ZMIZ1: variants seen among roughly 807,000 people sequenced by gnomAD.
The protein encoded by ZMIZ1 is zinc finger MIZ domain-containing protein 1.
Under a neutral mutation model 113.9 loss-of-function variants are expected in ZMIZ1, and 17 were observed. The ratio of observed to expected loss-of-function variants is 0.15; its 90% confidence interval spans 0.10 to 0.22. The LOEUF (loss-of-function observed/expected upper bound fraction) is 0.22, where lower values mean the gene tolerates loss of function less well. Ranked by LOEUF, ZMIZ1 falls within the 10% of genes least tolerant of loss-of-function variation. ZMIZ1 has a pLI of 1.00. For synonymous variants in ZMIZ1, 607 were observed against 603.1 expected (o/e 1.01, Z -0.09); for missense variants, 1,059 against 1,477.8 (o/e 0.72, Z 4.65).
chr10:79,096,663 G>A (rs1387325287), intron 1 of ZMIZ1, among the ~76,000 whole-genome samples: 3 of 152,178 alleles, frequency 2.0e-5, no homozygotes, highest in African/African-American at 7.2e-5. Context: ...GATAGAGACT[G>A]GCTCCTTCAG....
chr10:79,230,334 C>T (rs1849345966), intron 7 of ZMIZ1, among the ~76,000 whole-genome samples: 1 of 152,276 alleles, frequency 6.6e-6, no homozygotes, highest in East Asian at 1.9e-4. Context: ...TCTAGGTGGC[C>T]GGCTATCTGC....
intron 2 of ZMIZ1, among the ~76,000 whole-genome samples, chr10:79,133,148 C>T (rs1844846533): frequency 6.6e-6 from 1 of 152,236 alleles, no homozygotes; most frequent in Admixed American, 6.5e-5. Context: ...CTAGTACACT[C>T]TTTTCCTGCA....
At chr10:79,077,483 G>T (rs1455589383) in intron 1 of ZMIZ1, among the ~76,000 whole-genome samples, 2 of 151,720 alleles carry the variant, frequency 1.3e-5, no homozygotes, top group African/African-American at 4.9e-5. Flanking sequence ...GGGGTTCTGT[G>T]GTCTGGGTGG....
rs566077309 is a variant in ZMIZ1 at position 79,070,808 on chromosome 10, G to A, written c.-337+1538G>A. On this transcript the variant is annotated intron_variant, in intron 1 of 24. Transcript: ENST00000334512. ...AGCTTCCTGGGTAGGCAGTGCCCGA[G>A]TAACTGGGGCTTTGAGCCTGCCCGC... Among the ~76,000 whole-genome samples, 9 of 152,184 alleles carry A rather than the reference G, an allele frequency of 5.9e-5. No homozygotes were observed. The South Asian group carries it at 1.4e-3, about 25-fold the overall frequency.
intron 1 of ZMIZ1, among the ~76,000 whole-genome samples, chr10:79,074,497 CT>C (rs1300066525): frequency 1.3e-5 from 2 of 152,248 alleles, no homozygotes; most frequent in East Asian, 3.8e-4. Context: ...GACACAAATC[CT>C]GCCTTGACTG....
chr10:79,247,639 G>A (rs567149522), intron 7 of ZMIZ1, among the ~76,000 whole-genome samples: 1 of 152,322 alleles, frequency 6.6e-6, no homozygotes, highest in South Asian at 2.1e-4. Context: ...GTAGGGTGAG[G>A]CCAGGCCTTA....
At chr10:79,109,700 A>C (rs1387285982) in intron 1 of ZMIZ1, among the ~76,000 whole-genome samples, 1 of 152,230 alleles carries the variant, frequency 6.6e-6, no homozygotes, top group African/African-American at 2.4e-5. Context: ...AGCCCAGTCA[A>C]GAGTCAGGCA....
At chr10:79,145,009 A>G (rs1180081426) in intron 3 of ZMIZ1, among the ~76,000 whole-genome samples, 2 of 128,542 alleles carry the variant, frequency 1.6e-5, no homozygotes, top group Admixed American at 7.6e-5. Context: ...CCTGCCCTCC[A>G]CCTTCCTTCT....
At chr10:79,162,520 G>C (rs199753193) in intron 4 of ZMIZ1, among the ~76,000 whole-genome samples, 1 of 152,212 alleles carries the variant, frequency 6.6e-6, no homozygotes, top group Non-Finnish European at 1.5e-5. Context: ...TGAAATGGGT[G>C]CAGGGCTACC....
intron 4 of ZMIZ1, among the ~76,000 whole-genome samples, chr10:79,166,572 G>C (rs1202140867): frequency 3.9e-5 from 6 of 152,252 alleles, no homozygotes; most frequent in Non-Finnish European, 1.5e-5. Context: ...CTGGCCACCA[G>C]CTGGAGCAGG....
intron 4 of ZMIZ1, among the ~76,000 whole-genome samples, chr10:79,180,808 G>A (rs703986): frequency 6.6e-6 from 1 of 152,072 alleles, no homozygotes; most frequent in Non-Finnish European, 1.5e-5. Context: ...AGTGCTGACC[G>A]CAACTCCATT....
Position 79,312,645 on chromosome 10 carries a change from C to T in ZMIZ1, c.3100C>T (p.Leu1034Phe), listed in dbSNP as rs544034036. Residue 1034 changes from leucine (L) to phenylalanine (F), a missense_variant, in exon 25 of 25, where the codon CTT (leucine) becomes TTT (phenylalanine). Transcript: ENST00000334512. ...TTCATTACTCCTTCTTTTCCAGCTC[C>T]TTCCCGAACTCACAAATCCTGACGA... ...SDMPEPSLDL[L>F]PELTNPDELL... 6.2e-7 allele frequency: 1 copy of T among 1,614,230 alleles called. No individual in the cohort carries two copies. The highest frequency in any genetic ancestry group is 2.2e-5 in the East Asian group (1 of 44,884).
At chr10:79,085,372 C>T (rs1453668908) in intron 1 of ZMIZ1, among the ~76,000 whole-genome samples, 1 of 152,222 alleles carries the variant, frequency 6.6e-6, no homozygotes, top group Admixed American at 6.5e-5. Context: ...AGCGTGACGC[C>T]AGGCCCGCAG....
At chr10:79,096,040 C>T (rs1021601667) in intron 1 of ZMIZ1, among the ~76,000 whole-genome samples, 4 of 152,208 alleles carry the variant, frequency 2.6e-5, no homozygotes, top group Non-Finnish European at 5.9e-5. Context: ...TGCTTTGCTT[C>T]AGTTGCGGGG....
At chr10:79,277,912 GCT>G (rs767562867) in intron 8 of ZMIZ1, among the ~76,000 whole-genome samples, 6 of 152,252 alleles carry the variant, frequency 3.9e-5, no homozygotes, top group Non-Finnish European at 7.3e-5. Context: ...AGCTGGGGAT[GCT>G]CTCTCTGAGC....
At chr10:79,244,317 G>A (rs1466172441) in intron 7 of ZMIZ1, among the ~76,000 whole-genome samples, 1 of 152,228 alleles carries the variant, frequency 6.6e-6, no homozygotes, top group Non-Finnish European at 1.5e-5. Context: ...AGGGCAGGAA[G>A]CAGCCTTTCA....
intron 7 of ZMIZ1, among the ~76,000 whole-genome samples, chr10:79,257,282 C>T (rs533126109): frequency 6.6e-6 from 1 of 152,352 alleles, no homozygotes; most frequent in South Asian, 2.1e-4. Context: ...TGTCTGCCAG[C>T]CTCTGAGCCT....
intron 4 of ZMIZ1, among the ~76,000 whole-genome samples, chr10:79,183,603 G>A (rs1052493006): frequency 1.3e-5 from 2 of 152,192 alleles, no homozygotes; most frequent in African/African-American, 4.8e-5. Flanking sequence ...CGTGAGCTCT[G>A]AAGTCTGCCT....
chr10:79,208,919 C>A (rs1262824896), intron 6 of ZMIZ1, among the ~76,000 whole-genome samples: 1 of 152,154 alleles, frequency 6.6e-6, no homozygotes, highest in Non-Finnish European at 1.5e-5. Context: ...TCTCATTGAT[C>A]ATGTATGATC....
Sources: allele counts gnomAD v4.1 joint callset (sites outside exome capture counted in the v4.1 genomes callset), GRCh38; gene constraint gnomAD v4.1.1; transcripts MANE v1.5; gene names NCBI Gene and HGNC (gene_info 2026-07-23, HGNC 2026-07-21).